The following HAS2 variants were observed in gnomAD, a reference collection of about 807,000 sequenced individuals.
HAS2 encodes hyaluronan synthase 2, also known as HA synthase 2.
HAS2 carries 16 observed loss-of-function variants against 51.6 expected under a neutral mutation model. The observed-to-expected ratio is 0.31, with a 90% confidence interval of 0.21 to 0.47. The LOEUF is 0.47. HAS2 is among the 20% of genes least tolerant of loss of function. The pLI, the probability that HAS2 is intolerant of heterozygous loss-of-function variation, is 1.00. For missense variants in HAS2, 361 were observed against 662.6 expected (o/e 0.54, Z 5.00); for synonymous variants, 228 against 235.5 (o/e 0.97, Z 0.29).
chr8:121,615,089 G>A (rs1305832484), intron 3 of HAS2, 51 bp from the exon 4 acceptor site: 2 of 1,339,374 alleles, frequency 1.5e-6, no homozygotes, highest in Non-Finnish European at 2.1e-6. Flanking sequence ...AAAAATTCCA[G>A]CAAAACCTGT....
chr8:121,625,558 G>C (rs1003934962), intron 2 of HAS2, among the ~76,000 whole-genome samples: 5 of 143,518 alleles, frequency 3.5e-5, no homozygotes, highest in Admixed American at 7.1e-5. Flanking sequence ...ATCTTTCTCT[G>C]TTACCCAGGC....
In HAS2 at chr8:121,612,461, A is replaced by G. The variant is rs1812648057; in HGVS notation, c.*1648T>C. 1 of 152,112 alleles carries G rather than the reference A, an allele frequency of 6.6e-6. No individual in the cohort carries two copies. Among genetic ancestry groups the G allele is most frequent in the Non-Finnish European group, 1.5e-5 (1 of 68,034 alleles). 9.4% of individuals were successfully genotyped at this position (152,112 alleles called of 1,614,324 possible). A position where few individuals can be genotyped will look rare whatever the true frequency, so the allele number is the denominator to read the frequency against. Reference sequence around the variant, plus strand: ...TGTAACATAGATGACTGCATAAAAAAGAGGCAGAAAGGCAGGAAGCCCATT... The same window carrying G: ...TGTAACATAGATGACTGCATAAAAAGGAGGCAGAAAGGCAGGAAGCCCATT... On this transcript the variant is annotated 3_prime_UTR_variant, in exon 4 of 4. Coordinates refer to ENST00000303924, the MANE Select transcript of HAS2 (RefSeq NM_005328.3).
chr8:121,629,304 T>G lies in HAS2; in HGVS notation c.37A>C (p.Ile13Leu). 6.2e-7 allele frequency: 1 copy of G among 1,611,650 alleles called. No individual in the cohort carries two copies. The highest frequency in any genetic ancestry group is 1.1e-5 in the South Asian group (1 of 90,930). The stretch of plus-strand genomic sequence containing the variant: ...GAGACTCCAAAGAGTGTGGTTCCAA[T>G]TATTCTCAGGATACATAGAAACCTC... ...CERFLCILRI[I>L]GTTLFGVSLL... Residue 13 changes from isoleucine to leucine, a missense_variant, in exon 2 of 4, where the codon ATT becomes CTT. Ile to Leu is a conservative substitution (Grantham distance 5, BLOSUM62 2). Coordinates refer to ENST00000303924, the MANE Select transcript of HAS2 (RefSeq NM_005328.3).
Position 121,613,975 on chromosome 8 carries a change from T to C in HAS2, c.*134A>G. ...CTTTGGCAGAATGAAAATAAACCCA[T>C]ATAAATGTCTTTGTTCAAGTCCCAG... On this transcript the variant is annotated 3_prime_UTR_variant, in exon 4 of 4. Coordinates refer to ENST00000303924, the MANE Select transcript of HAS2 (RefSeq NM_005328.3). 7.5e-7 allele frequency: 1 copy of C among 1,338,082 alleles called. No individual in the cohort carries two copies. Among genetic ancestry groups the C allele is most frequent in the Non-Finnish European group, 1.0e-6 (1 of 958,338 alleles). 82.9% of individuals were successfully genotyped at this position (1,338,082 alleles called of 1,614,324 possible).
At chr8:121,624,719 G>A (rs1208559100) in intron 2 of HAS2, among the ~76,000 whole-genome samples, 1 of 152,162 alleles carries the variant, frequency 6.6e-6, no homozygotes, top group Admixed American at 6.5e-5. Context: ...ACTGTTTTAT[G>A]TTTTCCTTTG....
chr8:121,632,073 A>G (rs1356321720), intron 1 of HAS2, among the ~76,000 whole-genome samples: 2 of 152,184 alleles, frequency 1.3e-5, no homozygotes, highest in Non-Finnish European at 2.9e-5. Context: ...CTAGCATACC[A>G]CAGCAACGTG....
chr8:121,629,059 T>A lies in HAS2; in HGVS notation c.282A>T (p.Glu94Asp). The A allele has an allele frequency of 6.2e-7, 1 of 1,614,138 alleles. No individual in the cohort carries two copies. Among genetic ancestry groups the A allele is most frequent in the Non-Finnish European group, 8.5e-7 (1 of 1,179,968 alleles). ...TVALCIAAYQ[E>D]DPDYLRKCLQ... ...AACATTTCCTTAAGTAGTCTGGATC[T>A]TCTTGATAGGCAGCGATGCAAAGGG... Residue 94 changes from glutamate to aspartate, a missense_variant, in exon 2 of 4, where the codon GAA becomes GAT. Coordinates refer to ENST00000303924, the MANE Select transcript of HAS2 (RefSeq NM_005328.3).
At chr8:121,637,923 A>G (rs948091700) in intron 1 of HAS2, among the ~76,000 whole-genome samples, 1 of 152,216 alleles carries the variant, frequency 6.6e-6, no homozygotes, top group Non-Finnish European at 1.5e-5. Context: ...CTGTCCTCTC[A>G]TTACTTTAAC....
intron 1 of HAS2, among the ~76,000 whole-genome samples, chr8:121,629,957 T>C (rs1020755556): frequency 6.6e-6 from 1 of 152,174 alleles, no homozygotes; most frequent in Admixed American, 6.5e-5. Context: ...TGGGTCTCAG[T>C]TGTTTTGTAA....
At position 121,629,177 on chromosome 8, in the gene HAS2, G is replaced by A; in HGVS notation, c.164C>T (p.Ser55Leu). 1 of 1,614,014 alleles carries A rather than the reference G, an allele frequency of 6.2e-7. No individual in the cohort carries two copies. ...AAACAGGCTTTGGATGATGAGGTGTGATGCCAAAAAGGCACCATACAGTCC... is the reference window on the plus strand; with the variant it reads ...AAACAGGCTTTGGATGATGAGGTGTAATGCCAAAAAGGCACCATACAGTCC... ...SFGLYGAFLASHLIIQSLFAF... is the reference protein window; with the variant it reads ...SFGLYGAFLALHLIIQSLFAF... Residue 55 changes from serine (S) to leucine (L), a missense_variant, in exon 2 of 4, where the codon TCA becomes TTA. Around this residue, in one of 5 missense-constraint regions of HAS2, gnomAD observed 145 missense variants for 217.6 expected, o/e 0.67. Coordinates refer to ENST00000303924, the MANE Select transcript of HAS2 (RefSeq NM_005328.3).
intron 2 of HAS2, among the ~76,000 whole-genome samples, chr8:121,622,162 A>AC (rs566256611): frequency 2.9e-4 from 44 of 151,664 alleles, no homozygotes; most frequent in South Asian, 8.3e-4. Flanking sequence ...ATTCTGCATC[A>AC]CCCCCCCATC....
At chr8:121,637,352 A>G (rs973660895) in intron 1 of HAS2, among the ~76,000 whole-genome samples, 2 of 150,824 alleles carry the variant, frequency 1.3e-5, no homozygotes, top group Non-Finnish European at 2.9e-5. Context: ...GAAAGGCAGT[A>G]TATATATGAA....
intron 2 of HAS2, among the ~76,000 whole-genome samples, chr8:121,621,343 T>C (rs1812770958): frequency 6.6e-6 from 1 of 152,164 alleles, no homozygotes; most frequent in Non-Finnish European, 1.5e-5. Context: ...CAAGTACCCA[T>C]GAAATCAAGA....
intron 1 of HAS2, among the ~76,000 whole-genome samples, chr8:121,636,375 G>C (rs929262685): frequency 6.6e-6 from 1 of 151,720 alleles, no homozygotes; most frequent in Non-Finnish European, 1.5e-5. Context: ...GAACCCTCCC[G>C]ACTCCCCCTC....
chr8:121,626,974 A>G (rs1376247070), intron 2 of HAS2, among the ~76,000 whole-genome samples: 1 of 152,142 alleles, frequency 6.6e-6, no homozygotes, highest in Non-Finnish European at 1.5e-5. Flanking sequence ...CTAATATTTC[A>G]TATTTTGTAT....
intron 2 of HAS2, among the ~76,000 whole-genome samples, chr8:121,624,378 G>A (rs958672558): frequency 6.6e-6 from 1 of 152,224 alleles, no homozygotes; most frequent in African/African-American, 2.4e-5. Flanking sequence ...ACCTCAGCTG[G>A]AACATGCACA....
chr8:121,614,267 T>G lies in HAS2; in HGVS notation c.1501A>C (p.Lys501Gln). The G allele has an allele frequency of 6.2e-7, 1 of 1,614,100 alleles. No individual in the cohort carries two copies. Among genetic ancestry groups the G allele is most frequent in the Non-Finnish European group, 8.5e-7 (1 of 1,179,952 alleles). The change falls in exon 4 of 4, where the codon AAA becomes CAA. Residue 501 changes from lysine (K) to glutamine (Q), a missense_variant. This residue lies in a region of HAS2 where 61 missense variants were observed against 73.1 expected (regional missense o/e 0.84). Coordinates refer to ENST00000303924, the MANE Select transcript of HAS2 (RefSeq NM_005328.3). The surrounding 1 kb of genome is among the most constrained non-coding windows in gnomAD (Gnocchi z 7.2). ...GVIFTIYKES[K>Q]RPFSESKQTV... Reference sequence around the variant, plus strand: ...TGTTTGGATTCTGAAAATGGCCTTTTAGACTCCTTATAAATGGTGAAAATC... The same window carrying G: ...TGTTTGGATTCTGAAAATGGCCTTTGAGACTCCTTATAAATGGTGAAAATC...
intron 2 of HAS2, among the ~76,000 whole-genome samples, chr8:121,623,905 T>C (rs1563621622): frequency 6.6e-6 from 1 of 152,200 alleles, no homozygotes; most frequent in Non-Finnish European, 1.5e-5. Context: ...ACCAGTCAAA[T>C]GTCATACGCA....
chr8:121,626,382 C>G (rs1216557401), intron 2 of HAS2, among the ~76,000 whole-genome samples: 1 of 152,118 alleles, frequency 6.6e-6, no homozygotes, highest in Non-Finnish European at 1.5e-5. Flanking sequence ...TGAAGAGTGC[C>G]AAGGATTCGG....
Sources: gnomAD v4.1 joint callset for allele counts (sites outside exome capture counted in the v4.1 genomes callset) on GRCh38, gnomAD v4.1.1 for gene constraint, gnomAD v4.1.1 regional missense constraint, Gnocchi (gnomAD v3.1) non-coding constraint, MANE v1.5 for transcripts, NCBI Gene and HGNC (gene_info 2026-07-23, HGNC 2026-07-21) for gene names.